Variants in HELB observed in about 807,000 individuals in gnomAD.
HELB encodes DNA helicase B, also known as DNA 5'-3' helicase B.
HELB carries 96 observed loss-of-function variants against 101.7 expected under a neutral mutation model. The ratio of observed to expected loss-of-function variants is 0.94; its 90% confidence interval spans 0.80 to 1.12. HELB has a LOEUF of 1.12. Ranked by LOEUF, HELB falls within the 50% of genes most tolerant of loss-of-function variation. HELB has a pLI of 0.00. For synonymous variants in HELB, 437 were observed against 459.7 expected (o/e 0.95, Z 0.63); for missense variants, 1,210 against 1,291.9 (o/e 0.94, Z 0.97).
At chr12:66,334,708 G>A (rs1304584388) in intron 12 of HELB, among the ~76,000 whole-genome samples, 2 of 152,112 alleles carry the variant, frequency 1.3e-5, no homozygotes, top group African/African-American at 4.8e-5. Flanking sequence ...GACCCCAGGA[G>A]GTTGAGGCTG....
rs115740625 is a variant in HELB, at chr12:66,323,423, G to A, written c.2298-560G>A. Among the ~76,000 whole-genome samples the A allele has an allele frequency of 8.7e-3, 1,328 of 152,212 alleles. 32 individuals are homozygous for A. The highest frequency in any genetic ancestry group is 0.03 in the African/African-American group (1,227 of 41,526). On this transcript the variant is annotated intron_variant, in intron 9 of 12. Transcript: ENST00000247815. Reference sequence around the variant, plus strand: ...GGGCCAGGTCGTTTCCCTCTCCCACGTCTATAAAAGCGGGTATGGACACAG... The same window carrying A: ...GGGCCAGGTCGTTTCCCTCTCCCACATCTATAAAAGCGGGTATGGACACAG...
intron 11 of HELB, among the ~76,000 whole-genome samples, chr12:66,327,988 A>T (rs770778548): frequency 2.0e-5 from 3 of 152,198 alleles, no homozygotes; most frequent in Non-Finnish European, 4.4e-5. Context: ...GGACAGGAGC[A>T]TTCCAGGTTG....
In HELB at chr12:66,302,751, G is replaced by C; in HGVS notation, c.148G>C (p.Gly50Arg). 1 of 1,613,682 alleles carries C rather than the reference G, an allele frequency of 6.2e-7. No homozygotes were observed. Among genetic ancestry groups the C allele is most frequent in the Admixed American group, 1.7e-5 (1 of 60,002 alleles). Reference protein sequence around the residue: ...VFIDAEELCSGGVKAGSLPGC... With the variant: ...VFIDAEELCSRGVKAGSLPGC... ...CATCGACGCCGAGGAGCTCTGCAGT[G>C]GGGGCGTAAAGGCTGGCAGCCTCCC... The change falls in exon 1 of 13, where the codon GGG becomes CGG. Residue 50 changes from glycine to arginine, a missense_variant. By Grantham distance (125) the Gly-to-Arg change is moderately radical (BLOSUM62 -2). This residue lies in a region of HELB where 470 missense variants were observed against 563.1 expected (regional missense o/e 0.83). Coordinates refer to ENST00000247815, the MANE Select transcript of HELB (RefSeq NM_001370285.1).
Position 66,302,790 on chromosome 12 carries a change from G to A in HELB, c.187G>A (p.Val63Ile), listed in dbSNP as rs763903259. 6.2e-7 allele frequency: 1 copy of A among 1,604,738 alleles called. No individual in the cohort carries two copies. The highest frequency in any genetic ancestry group is 1.1e-5 in the South Asian group (1 of 90,352). The change falls in exon 1 of 13, where the codon GTT (valine) becomes ATT (isoleucine). Residue 63 changes from valine (V) to isoleucine (I), a missense_variant and splice_region_variant. Physicochemically the swap from Val to Ile is conservative, Grantham distance 29 (BLOSUM62 3). Transcript: ENST00000247815. ...KAGSLPGCLR[V>I]SICDENTQET... ...TGGCAGCCTCCCCGGGTGCCTCCGC[G>A]GTGAGGAAGGCGTCTGCCCGGGGGA...
intron 6 of HELB, among the ~76,000 whole-genome samples, chr12:66,317,122 T>C (rs889911926): frequency 1.3e-5 from 2 of 151,418 alleles, no homozygotes; most frequent in African/African-American, 4.9e-5. Context: ...GCTTGAACCC[T>C]GGAGGCAGAA....
At position 66,324,150 on chromosome 12, in the gene HELB, A is replaced by G; in HGVS notation, c.2465A>G (p.Asn822Ser). The G allele has an allele frequency of 6.2e-7, 1 of 1,613,992 alleles. No homozygotes were observed. Among genetic ancestry groups the G allele is most frequent in the Non-Finnish European group, 8.5e-7 (1 of 1,179,920 alleles). The change falls in exon 10 of 13, where the codon AAT becomes AGT. Residue 822 changes from asparagine (N) to serine (S), a missense_variant. Around this residue, in one of 2 missense-constraint regions of HELB, gnomAD observed 740 missense variants for 728.8 expected, o/e 1.02. Transcript: ENST00000247815. ...FSGTLPDFAK[N>S]KRDFESNVRL... Reference sequence around the variant, plus strand: ...GGTACGCTTCCTGATTTTGCTAAAAATAAGCGTGACTTTGAAAGTAACGTT... The same window carrying G: ...GGTACGCTTCCTGATTTTGCTAAAAGTAAGCGTGACTTTGAAAGTAACGTT...
In HELB at chr12:66,321,240, C is replaced by T. The variant is rs190094053; in HGVS notation, c.2156-708C>T. Among the ~76,000 whole-genome samples, 57 of 152,178 alleles carry T rather than the reference C, an allele frequency of 3.7e-4. 2 individuals are homozygous for T. The East Asian group carries it at 6.4e-3, about 17-fold the overall frequency. On this transcript the variant is annotated intron_variant, in intron 7 of 12. Coordinates refer to ENST00000247815, the MANE Select transcript of HELB (RefSeq NM_001370285.1). ...TTCACATTCATAATATGGATGTCAT[C>T]AGAAGTCAGACTACCCAATGGCTGT...
At chr12:66,337,440 G>C (rs904167616) in intron 12 of HELB, among the ~76,000 whole-genome samples, 1 of 152,102 alleles carries the variant, frequency 6.6e-6, no homozygotes, top group Admixed American at 6.6e-5. Flanking sequence ...ATTGAATTGT[G>C]CTTACTCTTT....
Position 66,306,416 on chromosome 12 carries a change from C to G in HELB, c.679C>G (p.Arg227Gly), listed in dbSNP as rs370199105. The change falls in exon 3 of 13, where the codon CGA (arginine) becomes GGA (glycine). Residue 227 changes from arginine to glycine, a missense_variant. Around this residue, in one of 2 missense-constraint regions of HELB, gnomAD observed 470 missense variants for 563.1 expected, o/e 0.83. Coordinates refer to ENST00000247815, the MANE Select transcript of HELB (RefSeq NM_001370285.1). ...GGAATTCCTTCCAGTTCTTCTGCCTCGACACTTTAAATGGATCATAGGGTC... is the reference window on the plus strand; with the variant it reads ...GGAATTCCTTCCAGTTCTTCTGCCTGGACACTTTAAATGGATCATAGGGTC... ...IMEFLPVLLP[R>G]HFKWIIGSGS... The G allele has an allele frequency of 1.2e-6, 2 of 1,608,214 alleles. No individual in the cohort carries two copies. Among genetic ancestry groups the G allele is most frequent in the Non-Finnish European group, 1.7e-6 (2 of 1,177,154 alleles).
At chr12:66,318,996 A>G (rs2053641348) in intron 7 of HELB, among the ~76,000 whole-genome samples, 1 of 152,196 alleles carries the variant, frequency 6.6e-6, no homozygotes, top group Non-Finnish European at 1.5e-5. Flanking sequence ...CTCTTGACAC[A>G]TAAATGCTCA....
Position 66,318,800 on chromosome 12 carries a change from T to C in HELB, c.2155+8T>C. ...AAACTAATCATCACTCTTGTAAGTA[T>C]AAACTTCTATGAGATGTAGAGTTAA... is the stretch of plus-strand genomic sequence containing the variant. On this transcript the variant is annotated splice_region_variant and intron_variant, in intron 7 of 12. Transcript: ENST00000247815. 1 of 1,589,982 alleles carries C rather than the reference T, an allele frequency of 6.3e-7. No homozygotes were observed. Among genetic ancestry groups the C allele is most frequent in the Non-Finnish European group, 8.5e-7 (1 of 1,170,296 alleles).
intron 7 of HELB, among the ~76,000 whole-genome samples, chr12:66,321,093 A>G (rs1394144421): frequency 1.3e-5 from 2 of 152,216 alleles, no homozygotes; most frequent in Admixed American, 6.5e-5. Context: ...CTCAGCAGGC[A>G]GCTAAGTTTG....
intron 2 of HELB, among the ~76,000 whole-genome samples, chr12:66,305,730 GAGACACCGTCTC>G (rs1167591436): frequency 3.5e-5 from 5 of 144,298 alleles, no homozygotes; most frequent in Admixed American, 1.4e-4. Context: ...AGGTGAGAGT[GAGACACCGTCTC>G]AGTTAAAAAA....
chr12:66,318,621 T>A lies in HELB; in HGVS notation c.2001-17T>A. 6.3e-7 allele frequency: 1 copy of A among 1,590,520 alleles called. No individual in the cohort carries two copies. Among genetic ancestry groups the A allele is most frequent in the Non-Finnish European group, 8.5e-7 (1 of 1,173,574 alleles). ...GATGATAATGTTCTTTGTGTGTGTG[T>A]GTTATCTTTATTCAAGAATCTCAAG... On this transcript the variant is annotated splice_polypyrimidine_tract_variant and intron_variant, in intron 6 of 12. Coordinates refer to ENST00000247815, the MANE Select transcript of HELB (RefSeq NM_001370285.1).
rs138160448 is a variant in HELB, at chr12:66,322,285, G to T, written c.2237+256G>T. On this transcript the variant is annotated intron_variant, in intron 8 of 12. Coordinates refer to ENST00000247815, the MANE Select transcript of HELB (RefSeq NM_001370285.1). ...TATGCTAAGATAAAAAATACAGGCT[G>T]GGCTTGGTGGCTCACACCTGTAATC... Among the ~76,000 whole-genome samples, 66 of 152,210 alleles carry T rather than the reference G, an allele frequency of 4.3e-4. No individual in the cohort carries two copies. In the East Asian group the frequency reaches 5.8e-3, roughly 13 times the overall value.
At chr12:66,337,382 C>G (rs1436926937) in intron 12 of HELB, among the ~76,000 whole-genome samples, 1 of 152,116 alleles carries the variant, frequency 6.6e-6, no homozygotes, top group Non-Finnish European at 1.5e-5. Flanking sequence ...AGGCTTTTGA[C>G]ATGAGCAGAA....
At chr12:66,325,259 A>G in intron 11 of HELB, 133 bp downstream of exon 11, 4 of 603,782 alleles carry the variant, frequency 6.6e-6, no homozygotes, top group East Asian at 2.8e-5. Flanking sequence ...AGTACAGAAC[A>G]TAATAGAGAA....
At position 66,322,734 on chromosome 12, in the gene HELB, G is replaced by A. The variant is rs1484548288; in HGVS notation, c.2248G>A (p.Asp750Asn). Residue 750 changes from aspartate to asparagine, a missense_variant, in exon 9 of 13, where the codon GAT (aspartate) becomes AAT (asparagine). Coordinates refer to ENST00000247815, the MANE Select transcript of HELB (RefSeq NM_001370285.1). Reference sequence around the variant, plus strand: ...TTTCGTGTGTTTCAGGCAAGACTGTGATCTAATTAATGACTGCTGCTGCAA... The same window carrying A: ...TTTCGTGTGTTTCAGGCAAGACTGTAATCTAATTAATGACTGCTGCTGCAA... ...QFIAFRRQDC[D>N]LINDCCCKHY... 5.6e-6 allele frequency: 9 copies of A among 1,610,032 alleles called. No individual in the cohort carries two copies. The highest frequency in any genetic ancestry group is 7.6e-6 in the Non-Finnish European group (9 of 1,178,006).
intron 5 of HELB, among the ~76,000 whole-genome samples, chr12:66,314,498 T>C (rs2053579416): frequency 6.6e-6 from 1 of 152,130 alleles, no homozygotes; most frequent in South Asian, 2.1e-4. Context: ...GTTTGAATTA[T>C]AGGCCACTTA....
Sources: allele counts gnomAD v4.1 joint callset (sites outside exome capture counted in the v4.1 genomes callset), GRCh38; gene constraint gnomAD v4.1.1; regional missense constraint gnomAD v4.1.1; transcripts MANE v1.5; gene names NCBI Gene and HGNC (gene_info 2026-07-23, HGNC 2026-07-21).